HPF1: variants seen among roughly 807,000 people sequenced by gnomAD.
HPF1 encodes histone PARylation factor 1, also known as UPF0609 protein C4orf27.
HPF1 carries 35 observed loss-of-function variants against 38.8 expected under a neutral mutation model. That is an observed-to-expected ratio of 0.90 (90% CI 0.69 to 1.19). The LOEUF is 1.19. Among genes scored for constraint, HPF1 ranks in the 50% most tolerant of loss-of-function variants. The probability of loss-of-function intolerance (pLI) is 0.00; values close to 1 mark genes in which losing one functional copy is unlikely to be tolerated. For synonymous variants in HPF1, 115 were observed against 139.2 expected, an observed-to-expected ratio of 0.83 and a Z score of 1.22; for missense variants, 367 against 405.8, an observed-to-expected ratio of 0.90 and a Z score of 0.82.
At chr4:169,734,549 A>G (rs1361087722) in intron 6 of HPF1, among the ~76,000 whole-genome samples, 2 of 152,242 alleles carry the variant, frequency 1.3e-5, no homozygotes, top group African/African-American at 4.8e-5. Flanking sequence ...AAGGAAAAAT[A>G]TGTTCTTCCA....
intron 4 of HPF1, among the ~76,000 whole-genome samples, chr4:169,742,653 G>A (rs1157894637): frequency 1.3e-5 from 2 of 152,148 alleles, no homozygotes; most frequent in Middle Eastern, 3.2e-3. Context: ...TTAGCCGGGC[G>A]TGATGGCGGG....
At chr4:169,742,675 C>A (rs983078900) in intron 4 of HPF1, among the ~76,000 whole-genome samples, 10 of 152,146 alleles carry the variant, frequency 6.6e-5, no homozygotes, top group Non-Finnish European at 1.0e-4. Flanking sequence ...GCCTGTAGTC[C>A]CAGCTACTTG....
chr4:169,745,211 G>C (rs1734032085), intron 4 of HPF1, among the ~76,000 whole-genome samples: 1 of 152,212 alleles, frequency 6.6e-6, no homozygotes, highest in South Asian at 2.1e-4. Context: ...GAGGCCTCGA[G>C]AGGCCGGGCC....
intron 2 of HPF1, among the ~76,000 whole-genome samples, chr4:169,751,583 A>G (rs1734120514): frequency 6.6e-6 from 1 of 152,134 alleles, no homozygotes; most frequent in Admixed American, 6.5e-5. Flanking sequence ...CCACAAAGAC[A>G]TGAAGTCTGT....
intron 5 of HPF1, 82 bp from the exon 6 acceptor site, chr4:169,737,829 A>G: frequency 1.2e-6 from 1 of 852,380 alleles, no homozygotes; most frequent in Non-Finnish European, 2.0e-6. Context: ...AACCCTCAAC[A>G]TTTCTGCCAA....
chr4:169,737,383 C>A lies in HPF1; in HGVS notation c.736+277G>T, dbSNP rs185389771. ...TTAAGTATTTTAATACTTGTTTACA[C>A]CACAAATTCCTTTATGAAGTGCATA... On this transcript the variant is annotated intron_variant, in intron 6 of 7. Coordinates refer to ENST00000393381, the MANE Select transcript of HPF1 (RefSeq NM_017867.3). Among the ~76,000 whole-genome samples the A allele has an allele frequency of 2.5e-3, 387 of 151,768 alleles. 1 individual carries two copies. Among genetic ancestry groups the A allele is most frequent in the Non-Finnish European group, 3.5e-3 (235 of 67,960 alleles).
At chr4:169,729,751 A>G in intron 7 of HPF1, 42 bp from the exon 8 acceptor site, 1 of 1,326,578 alleles carries the variant, frequency 7.5e-7, no homozygotes, top group South Asian at 2.2e-5. Context: ...AATATAGCAG[A>G]TATCCTAATA....
In HPF1 at chr4:169,729,543, T is replaced by G; in HGVS notation, c.*35A>C. ...AAAATCACAAGTTTAATACTAGTCCTTTGAAATACTGTACACCAATCAAAG... is the reference window on the plus strand; with the variant it reads ...AAAATCACAAGTTTAATACTAGTCCGTTGAAATACTGTACACCAATCAAAG... On this transcript the variant is annotated 3_prime_UTR_variant, in exon 8 of 8. Transcript: ENST00000393381. 7.1e-7 allele frequency: 1 copy of G among 1,400,652 alleles called. No individual in the cohort carries two copies. The highest frequency in any genetic ancestry group is 1.5e-5 in the African/African-American group (1 of 67,076). The allele number at this position is 1,400,652 out of a possible 1,614,324, so 86.8% of individuals were successfully genotyped here.
At chr4:169,738,051 C>G (rs1260499883) in intron 5 of HPF1, among the ~76,000 whole-genome samples, 3 of 152,074 alleles carry the variant, frequency 2.0e-5, no homozygotes, top group Non-Finnish European at 4.4e-5. Flanking sequence ...GAAGGCAAGT[C>G]AAAATATTGG....
intron 4 of HPF1, among the ~76,000 whole-genome samples, chr4:169,745,747 C>T (rs1237283328): frequency 6.6e-6 from 1 of 152,286 alleles, no homozygotes; most frequent in Non-Finnish European, 1.5e-5. Context: ...GAGCAATGCT[C>T]CCACCTCAAC....
At chr4:169,753,454 T>C (rs545362919) in intron 2 of HPF1, among the ~76,000 whole-genome samples, 1 of 152,340 alleles carries the variant, frequency 6.6e-6, no homozygotes, top group Non-Finnish European at 1.5e-5. Flanking sequence ...GTCTCCTAAG[T>C]AGCTAGGACT....
intron 5 of HPF1, among the ~76,000 whole-genome samples, chr4:169,739,657 AT>A (rs1187322253): frequency 6.6e-6 from 1 of 152,230 alleles, no homozygotes; most frequent in Non-Finnish European, 1.5e-5. Context: ...TTCTAAAAAA[AT>A]AACCAGATAA....
intron 4 of HPF1, among the ~76,000 whole-genome samples, chr4:169,745,157 T>G (rs542550527): frequency 6.6e-6 from 1 of 152,104 alleles, no homozygotes; most frequent in Non-Finnish European, 1.5e-5. Flanking sequence ...GCAACTACCA[T>G]GGGTGAGAGG....
intron 2 of HPF1, among the ~76,000 whole-genome samples, chr4:169,751,942 T>C (rs1261096351): frequency 6.6e-6 from 1 of 152,192 alleles, no homozygotes; most frequent in Non-Finnish European, 1.5e-5. Flanking sequence ...AGGGTTGTTT[T>C]GTATTGTAAT....
intron 4 of HPF1, among the ~76,000 whole-genome samples, chr4:169,747,229 A>T (rs1235392368): frequency 6.6e-6 from 1 of 151,730 alleles, no homozygotes; most frequent in Admixed American, 6.6e-5. Context: ...AAGAGTTTCT[A>T]ATAAAGATGG....
intron 6 of HPF1, chr4:169,732,136 GA>G (rs1324392549): frequency 2.2e-5 from 5 of 230,338 alleles, no homozygotes; most frequent in African/African-American, 5.8e-5. Flanking sequence ...TTACAGTCAC[GA>G]TTTTTTTTTT....
intron 3 of HPF1, 102 bp downstream of exon 3, chr4:169,750,434 G>C: frequency 1.2e-6 from 1 of 824,128 alleles, no homozygotes; most frequent in Non-Finnish European, 1.9e-6. Flanking sequence ...CCACCAACAG[G>C]GGAAAATATG....
chr4:169,731,236 GCAT>G (rs1196756289), intron 7 of HPF1, among the ~76,000 whole-genome samples: 4 of 152,154 alleles, frequency 2.6e-5, no homozygotes, highest in African/African-American at 7.2e-5. Context: ...CGGTAAAACA[GCAT>G]CTCTTATAAA....
intron 4 of HPF1, among the ~76,000 whole-genome samples, chr4:169,746,676 T>A (rs1734051200): frequency 6.6e-6 from 1 of 152,066 alleles, no homozygotes; most frequent in African/African-American, 2.4e-5. Flanking sequence ...AAATAAATTT[T>A]AAAATATATA....
Sources: allele counts gnomAD v4.1 joint callset (sites outside exome capture counted in the v4.1 genomes callset), GRCh38; gene constraint gnomAD v4.1.1; transcripts MANE v1.5; gene names NCBI Gene and HGNC (gene_info 2026-07-23, HGNC 2026-07-21).